RGPD8: variants seen among roughly 807,000 people sequenced by gnomAD.
The protein encoded by RGPD8 is RANBP2-like and GRIP domain-containing protein 8.
RGPD8 carries 15 observed loss-of-function variants against 89.1 expected under a neutral mutation model. The observed-to-expected ratio is 0.17, with a 90% CI of 0.11 to 0.26. The LOEUF (loss-of-function observed/expected upper bound fraction) is 0.26, where lower values mean the gene tolerates loss of function less well. Ranked by LOEUF, RGPD8 falls within the 10% of genes least tolerant of loss-of-function variation. The probability of loss-of-function intolerance (pLI) is 1.00; values close to 1 mark genes in which losing one functional copy is unlikely to be tolerated. For missense variants in RGPD8, 178 were observed against 1,179.6 expected, an observed-to-expected ratio of 0.15 and a Z score of 12.44; for synonymous variants, 62 against 420.9, an observed-to-expected ratio of 0.15 and a Z score of 10.44.
chr2:112,431,525 A>G (rs559363071), intron 1 of RGPD8, among the ~76,000 whole-genome samples: 1 of 152,282 alleles, frequency 6.6e-6, no homozygotes, highest in Non-Finnish European at 1.5e-5. Flanking sequence ...TTAAATCTCT[A>G]CAGGTCTCAA....
intron 20 of RGPD8, among the ~76,000 whole-genome samples, chr2:112,385,906 A>G (rs1393665013): frequency 6.6e-6 from 1 of 152,424 alleles, no homozygotes; most frequent in Middle Eastern, 3.4e-3. Context: ...TATAGGCACA[A>G]GCCATTGCAC....
rs1191925329 is a variant in RGPD8, at chr2:112,370,349, G to T, written c.5264-137C>A. ...TTACTGATCACATGCCTTTTTTGGT[G>T]GGGGGGGGGGTTCTTTTTTTTTTTT... On this transcript the variant is annotated intron_variant, in intron 22 of 22. Coordinates refer to ENST00000302558, the MANE Select transcript of RGPD8 (RefSeq NM_001164463.1). 4.1e-3 allele frequency: 810 copies of T among 198,212 alleles called. 3 individuals are homozygous for T. The African/African-American group carries it at 0.071, about 17-fold the overall frequency. 12.3% of individuals were successfully genotyped at this position (198,212 alleles called of 1,614,324 possible).
chr2:112,412,910 TG>T (rs2104810646), intron 6 of RGPD8, among the ~76,000 whole-genome samples: 1 of 151,148 alleles, frequency 6.6e-6, no homozygotes, highest in Non-Finnish European at 1.5e-5. Context: ...TGATTATAGG[TG>T]CACATTTCAA....
In RGPD8 at chr2:112,390,038, AAAAGTGCTACTTGTT is replaced by A; in HGVS notation, c.2892_2906del (p.Gln964_Phe969delinsHis). ...TTGATTTTGCAACATCTGCAAATGT[AAAAGTGCTACTTGTT>A]TGGCCAAAAATCACACCACGGCCCT... On this transcript the variant is annotated inframe_deletion, in exon 20 of 23. Coordinates refer to ENST00000302558, the MANE Select transcript of RGPD8 (RefSeq NM_001164463.1). The A allele has an allele frequency of 6.3e-7, 1 of 1,579,648 alleles. No individual in the cohort carries two copies. The highest frequency in any genetic ancestry group is 8.6e-7 in the Non-Finnish European group (1 of 1,158,088).
chr2:112,373,334 T>C (rs1427113085), intron 22 of RGPD8, among the ~76,000 whole-genome samples: 4 of 152,298 alleles, frequency 2.6e-5, no homozygotes, highest in Non-Finnish European at 5.9e-5. Flanking sequence ...AACACGCTAC[T>C]CTGAGCAGCT....
chr2:112,373,036 A>G (rs1392922243), intron 22 of RGPD8, among the ~76,000 whole-genome samples: 3 of 146,294 alleles, frequency 2.1e-5, no homozygotes, highest in Non-Finnish European at 2.9e-5. Flanking sequence ...ATATAGAAAA[A>G]TGACTTTTAC....
At chr2:112,431,868 G>A (rs1451857737) in intron 1 of RGPD8, among the ~76,000 whole-genome samples, 1 of 152,218 alleles carries the variant, frequency 6.6e-6, no homozygotes. Context: ...TCGAACTCCT[G>A]ACCTCAGGCA....
chr2:112,373,067 T>C (rs1206013912), intron 22 of RGPD8, among the ~76,000 whole-genome samples: 2 of 147,766 alleles, frequency 1.4e-5, no homozygotes, highest in Non-Finnish European at 2.9e-5. Context: ...AGTAGTAAAA[T>C]TGAGATTCAA....
intron 1 of RGPD8, among the ~76,000 whole-genome samples, chr2:112,428,182 C>T (rs1231148005): frequency 2.1e-4 from 32 of 152,222 alleles, no homozygotes; most frequent in Non-Finnish European, 4.4e-4. Context: ...ACTCAGAATT[C>T]GATAACCAAA....
Position 112,390,031 on chromosome 2 carries a change from C to T in RGPD8, c.2914G>A (p.Ala972Thr). 6.3e-7 allele frequency: 1 copy of T among 1,579,812 alleles called. No individual in the cohort carries two copies. The highest frequency in any genetic ancestry group is 8.6e-7 in the Non-Finnish European group (1 of 1,158,990). Residue 972 changes from alanine (A) to threonine (T), a missense_variant, in exon 20 of 23, where the codon GCA (alanine) becomes ACA (threonine). By Grantham distance (58) the Ala-to-Thr change is moderately conservative (BLOSUM62 0). Coordinates refer to ENST00000302558, the MANE Select transcript of RGPD8 (RefSeq NM_001164463.1). ...CCTGAAGTTGATTTTGCAACATCTG[C>T]AAATGTAAAAGTGCTACTTGTTTGG... ...FGQTSSTFTFADVAKSTSGEG... is the reference protein window; with the variant it reads ...FGQTSSTFTFTDVAKSTSGEG...
At chr2:112,416,072 G>C (rs1216772885) in intron 6 of RGPD8, among the ~76,000 whole-genome samples, 1 of 123,850 alleles carries the variant, frequency 8.1e-6, no homozygotes, top group African/African-American at 3.1e-5. Context: ...CCTGGTGACA[G>C]AGCAAGACTC....
intron 1 of RGPD8, among the ~76,000 whole-genome samples, chr2:112,432,238 CATT>C (rs1180190153): frequency 6.6e-6 from 1 of 152,086 alleles, no homozygotes; most frequent in African/African-American, 2.4e-5. Flanking sequence ...AAATAGATCA[CATT>C]ATTTACCTGT....
chr2:112,413,213 C>T (rs532191669), intron 6 of RGPD8, among the ~76,000 whole-genome samples: 1 of 143,494 alleles, frequency 7.0e-6, no homozygotes, highest in East Asian at 2.0e-4. Context: ...CTCCACCTCC[C>T]AGGTTCAAGT....
chr2:112,422,271 T>C (rs1274635030), intron 3 of RGPD8, among the ~76,000 whole-genome samples, 159 bp from the exon 4 acceptor site: 15 of 125,582 alleles, frequency 1.2e-4, no homozygotes, highest in South Asian at 2.8e-4. Flanking sequence ...AAAATAAAAG[T>C]GTCTTGGAAT....
intron 8 of RGPD8, among the ~76,000 whole-genome samples, chr2:112,404,909 CAG>C: frequency 6.6e-6 from 1 of 151,926 alleles, no homozygotes; most frequent in Non-Finnish European, 1.5e-5. Flanking sequence ...GCCTTGTTCC[CAG>C]AGATTTTTAT....
At chr2:112,431,956 C>A (rs1245255095) in intron 1 of RGPD8, among the ~76,000 whole-genome samples, 1 of 152,156 alleles carries the variant, frequency 6.6e-6, no homozygotes, top group Non-Finnish European at 1.5e-5. Flanking sequence ...CTTTTAACAT[C>A]AACAATAAAA....
chr2:112,425,577 T>C (rs1030368468), intron 1 of RGPD8, among the ~76,000 whole-genome samples: 1 of 151,372 alleles, frequency 6.6e-6, no homozygotes, highest in Admixed American at 6.6e-5. Flanking sequence ...CTGGCCAACA[T>C]ACAGAAACCT....
intron 20 of RGPD8, among the ~76,000 whole-genome samples, chr2:112,381,962 T>C (rs1374590993): frequency 6.6e-6 from 1 of 152,308 alleles, no homozygotes; most frequent in Admixed American, 6.5e-5. Context: ...TGTGAGGGTG[T>C]TGCCAAAGGG....
chr2:112,423,892 T>C (rs575441533), intron 2 of RGPD8, among the ~76,000 whole-genome samples: 2 of 152,366 alleles, frequency 1.3e-5, no homozygotes, highest in African/African-American at 4.8e-5. Flanking sequence ...TTTTTATTCA[T>C]TGCTATTTTC....
Sources: allele counts gnomAD v4.1 joint callset (sites outside exome capture counted in the v4.1 genomes callset), GRCh38; gene constraint gnomAD v4.1.1; transcripts MANE v1.5; gene names NCBI Gene and HGNC (gene_info 2026-07-23, HGNC 2026-07-21).